The following FGF12 variants were observed in gnomAD, a reference collection of about 807,000 sequenced individuals.
FGF12 encodes the protein fibroblast growth factor 12B.
Under a neutral mutation model 23.6 loss-of-function variants are expected in FGF12, and 14 were observed. The ratio of observed to expected loss-of-function variants is 0.59; its 90% CI spans 0.39 to 0.93. The LOEUF is 0.93. FGF12 is among the 40% of genes least tolerant of loss of function. FGF12 has a pLI of 0.00. For synonymous variants in FGF12, 62 were observed against 77.3 expected, an observed-to-expected ratio of 0.80 and a Z score of 1.04; for missense variants, 175 against 217.8, an observed-to-expected ratio of 0.80 and a Z score of 1.24.
intron 4 of FGF12, among the ~76,000 whole-genome samples, chr3:192,321,270 C>T (rs186846439): frequency 5.9e-5 from 9 of 152,028 alleles, no homozygotes; most frequent in Admixed American, 2.6e-4. Context: ...GTCCAAAACC[C>T]GAACAGACCA....
intron 5 of FGF12, among the ~76,000 whole-genome samples, chr3:192,158,382 C>CTTTCTTTCT (rs1325095002): frequency 2.5e-5 from 2 of 81,468 alleles, no homozygotes; most frequent in African/African-American, 5.7e-5. Flanking sequence ...TTCTTTCTTT[C>CTTTCTTTCT]TTTTCTTTCT....
intron 4 of FGF12, among the ~76,000 whole-genome samples, chr3:192,226,872 C>G (rs1413296579): frequency 6.6e-6 from 1 of 152,012 alleles, no homozygotes; most frequent in Non-Finnish European, 1.5e-5. Flanking sequence ...TATATATATA[C>G]TTCAAAACAT....
chr3:192,440,945 G>A (rs1435747981), intron 2 of FGF12, among the ~76,000 whole-genome samples: 1 of 152,158 alleles, frequency 6.6e-6, no homozygotes, highest in African/African-American at 2.4e-5. Context: ...AATGACAGCA[G>A]GAACCCCATC....
chr3:192,547,373 C>CTA, intron 2 of FGF12, among the ~76,000 whole-genome samples: 2 of 152,126 alleles, frequency 1.3e-5, no homozygotes, highest in East Asian at 3.9e-4. Context: ...CACAATCAAA[C>CTA]TATACATAGT....
Position 192,296,256 on chromosome 3 carries a change from C to T in FGF12, c.228+39105G>A, listed in dbSNP as rs182086770. Among the ~76,000 whole-genome samples, 455 of 150,564 alleles carry T rather than the reference C, an allele frequency of 3.0e-3. 4 individuals carry two copies. The highest frequency in any genetic ancestry group is 0.021 in the Middle Eastern group (6 of 290). ...TTTTTTTTTTTGAGACAGGGTCTCA[C>T]TCTGTCACCCAGGCTGGAGTGCAGT... On this transcript the variant is annotated intron_variant, in intron 4 of 5. Coordinates refer to ENST00000445105, the MANE Select transcript of FGF12 (RefSeq NM_004113.6).
At chr3:192,723,858 T>A (rs982267158) in intron 2 of FGF12, among the ~76,000 whole-genome samples, 2 of 129,010 alleles carry the variant, frequency 1.6e-5, no homozygotes, top group African/African-American at 6.1e-5. Context: ...TGTGTGTGTG[T>A]GTGTGAGAGA....
In FGF12 at chr3:192,487,885, G is replaced by GT. The variant is rs1465671566; in HGVS notation, c.14-127348dup. Among the ~76,000 whole-genome samples the GT allele has an allele frequency of 7.2e-5, 11 of 152,176 alleles. No individual in the cohort carries two copies. The East Asian group carries it at 1.9e-3, about 27-fold the overall frequency. ...TAACTTGTTCATTACTGTAACTCCA[G>GT]TACCTAGAGTAGTGGGACCTGGGAA... is the stretch of plus-strand genomic sequence containing the variant. On this transcript the variant is annotated intron_variant, in intron 2 of 5. Coordinates refer to ENST00000445105, the MANE Select transcript of FGF12 (RefSeq NM_004113.6).
chr3:192,656,308 CACACACACACACAGAG>C lies in FGF12; in HGVS notation c.13+70857_13+70872del, dbSNP rs780581654. Among the ~76,000 whole-genome samples the C allele has an allele frequency of 1.8e-3, 172 of 94,092 alleles. 1 individual carries two copies. Among genetic ancestry groups the C allele is most frequent in the Non-Finnish European group, 3.5e-3 (137 of 39,462 alleles). 61.7% of individuals were successfully genotyped at this position (94,092 alleles called of 152,430 possible). A position where few individuals can be genotyped will look rare whatever the true frequency, so the allele number is the denominator to read the frequency against. ...ACACACACACACACACACACACACA[CACACACACACACAGAG>C]AGAGAATTATAGTAAAGCAGATACA... On this transcript the variant is annotated intron_variant, in intron 2 of 5. Coordinates refer to ENST00000445105, the MANE Select transcript of FGF12 (RefSeq NM_004113.6).
At chr3:192,472,262 C>T (rs1026943534) in intron 2 of FGF12, among the ~76,000 whole-genome samples, 1 of 152,084 alleles carries the variant, frequency 6.6e-6, no homozygotes, top group African/African-American at 2.4e-5. Context: ...GGGATCTGCC[C>T]GCCGCGGCCT....
chr3:192,308,106 A>G (rs75022318), intron 4 of FGF12, among the ~76,000 whole-genome samples: 11,529 of 152,296 alleles, frequency 0.076, 581 homozygotes, highest in South Asian at 0.17. Context: ...TACTAATGAA[A>G]AAAATCACTG....
chr3:192,430,555 C>T (rs540179998), intron 2 of FGF12, among the ~76,000 whole-genome samples: 6 of 152,132 alleles, frequency 3.9e-5, no homozygotes, highest in Middle Eastern at 3.2e-3. Context: ...AAACAAAATG[C>T]CTGCAATTAT....
Position 192,150,270 on chromosome 3 carries a change from G to T in FGF12, c.428-6143C>A, listed in dbSNP as rs1255614393. On this transcript the variant is annotated intron_variant, in intron 5 of 5. Coordinates refer to ENST00000445105, the MANE Select transcript of FGF12 (RefSeq NM_004113.6). The stretch of plus-strand genomic sequence containing the variant: ...TTTTCTCCCATTTTGTAGGTTGCCT[G>T]TTCACTCTGATGGTAGTTTCTTTTG... Among the ~76,000 whole-genome samples, 9 of 87,150 alleles carry T rather than the reference G, an allele frequency of 1.0e-4. 1 individual carries two copies. Among genetic ancestry groups the T allele is most frequent in the Non-Finnish European group, 9.5e-5 (4 of 42,138 alleles). The allele number at this position is 87,150 out of a possible 152,430, so 57.2% of individuals were successfully genotyped here. A position where few individuals can be genotyped will look rare whatever the true frequency, so the allele number is the denominator to read the frequency against.
chr3:192,575,796 C>T (rs542122154), intron 2 of FGF12, among the ~76,000 whole-genome samples: 2 of 144,458 alleles, frequency 1.4e-5, no homozygotes, highest in African/African-American at 2.6e-5. Context: ...AACAAATAAT[C>T]TGTAGGGTGT....
chr3:192,255,673 T>C (rs1357430323), intron 4 of FGF12, among the ~76,000 whole-genome samples: 3 of 152,082 alleles, frequency 2.0e-5, no homozygotes, highest in Non-Finnish European at 4.4e-5. Flanking sequence ...AACCTAACTT[T>C]ATTAAAACAA....
Position 192,321,610 on chromosome 3 carries a change from C to T in FGF12, c.228+13751G>A, listed in dbSNP as rs79905401. On this transcript the variant is annotated intron_variant, in intron 4 of 5. Transcript: ENST00000445105. ...CAAATTCCACAACACATTAAAAAAA[C>T]CATTCATCATAAGCAAGAGGGATTT... Among the ~76,000 whole-genome samples, 163 of 151,190 alleles carry T rather than the reference C, an allele frequency of 1.1e-3. 1 individual carries two copies. The highest frequency in any genetic ancestry group is 3.8e-3 in the African/African-American group (156 of 41,248).
chr3:192,427,457 A>C (rs1721728020), intron 2 of FGF12, among the ~76,000 whole-genome samples: 1 of 152,212 alleles, frequency 6.6e-6, no homozygotes, highest in Non-Finnish European at 1.5e-5. Flanking sequence ...AGTAGTGCCA[A>C]ACATACTCTA....
At chr3:192,439,386 C>T (rs6807480) in intron 2 of FGF12, among the ~76,000 whole-genome samples, 53,771 of 152,032 alleles carry the variant, frequency 0.35, 9,591 homozygotes, top group Admixed American at 0.38. Flanking sequence ...GAACATCAAA[C>T]TTTTCTCCAT....
At chr3:192,347,470 G>A (rs1216924600) in intron 3 of FGF12, among the ~76,000 whole-genome samples, 4 of 152,138 alleles carry the variant, frequency 2.6e-5, no homozygotes, top group African/African-American at 9.7e-5. Context: ...CAAAGATTTT[G>A]GAGCCATTGT....
intron 2 of FGF12, among the ~76,000 whole-genome samples, chr3:192,707,309 A>C (rs1015207994): frequency 6.6e-6 from 1 of 152,212 alleles, no homozygotes; most frequent in East Asian, 1.9e-4. Flanking sequence ...CTTAGAATGC[A>C]AGGAGGTGTT....
Sources: gnomAD v4.1 joint callset for allele counts (sites outside exome capture counted in the v4.1 genomes callset) on GRCh38, gnomAD v4.1.1 for gene constraint, MANE v1.5 for transcripts, NCBI Gene and HGNC (gene_info 2026-07-23, HGNC 2026-07-21) for gene names.